Variants in FAM110B observed in about 807,000 individuals in gnomAD.
FAM110B encodes the protein family with sequence similarity 110 member B.
Under a neutral mutation model 20.4 loss-of-function variants are expected in FAM110B, and 6 were observed. The observed-to-expected ratio is 0.29, with a 90% CI of 0.16 to 0.58. The LOEUF (loss-of-function observed/expected upper bound fraction) is 0.58. Ranked by LOEUF, FAM110B falls within the 20% of genes least tolerant of loss-of-function variation. The pLI is 0.90. For missense variants in FAM110B, 434 were observed against 498.2 expected (o/e 0.87, Z 1.23); for synonymous variants, 226 against 214.1 (o/e 1.06, Z -0.49).
intron 1 of FAM110B, among the ~76,000 whole-genome samples, chr8:58,025,471 A>G (rs1032496651): frequency 2.0e-5 from 3 of 152,310 alleles, no homozygotes; most frequent in South Asian, 2.1e-4. Flanking sequence ...GACTCCATCC[A>G]TAGCAACCTT....
Position 58,034,971 on chromosome 8 carries a change from G to C in FAM110B, c.-414+3268G>C, listed in dbSNP as rs1309509210. Among the ~76,000 whole-genome samples the C allele has an allele frequency of 3.9e-5, 6 of 152,238 alleles. No individual in the cohort carries two copies. In the South Asian group the frequency reaches 1.2e-3, roughly 32 times the overall value. ...TGGCCGCAAGTTCAGTCATCTCATC[G>C]TTAGTTTAAGTCATTGTCTAAACTT... On this transcript the variant is annotated intron_variant, in intron 2 of 3. Coordinates refer to ENST00000519262, the MANE Select transcript of FAM110B (RefSeq NM_001377989.1).
chr8:58,062,157 A>G (rs1805669729), intron 2 of FAM110B, among the ~76,000 whole-genome samples: 1 of 152,214 alleles, frequency 6.6e-6, no homozygotes, highest in African/African-American at 2.4e-5. Context: ...ATATAATGAA[A>G]AATTGTTTCT....
intron 3 of FAM110B, among the ~76,000 whole-genome samples, chr8:58,142,383 A>AG (rs1803761732): frequency 6.6e-6 from 1 of 152,186 alleles, no homozygotes; most frequent in African/African-American, 2.4e-5. Context: ...GAGATCCTTG[A>AG]GGGGTCTGCA....
chr8:58,131,439 A>G (rs1803461991), intron 3 of FAM110B, among the ~76,000 whole-genome samples: 1 of 152,010 alleles, frequency 6.6e-6, no homozygotes, highest in Admixed American at 6.6e-5. Flanking sequence ...TACTGTTTTT[A>G]CCATTGAAAA....
At chr8:58,084,385 C>T (rs1427678167) in intron 3 of FAM110B, among the ~76,000 whole-genome samples, 2 of 150,768 alleles carry the variant, frequency 1.3e-5, no homozygotes, top group South Asian at 2.1e-4. Context: ...ACTTGAATCT[C>T]CATTTTCCTT....
At chr8:58,058,677 G>T (rs1420990830) in intron 2 of FAM110B, among the ~76,000 whole-genome samples, 2 of 152,014 alleles carry the variant, frequency 1.3e-5, no homozygotes, top group Non-Finnish European at 2.9e-5. Context: ...AGATATGCAT[G>T]ATATGCTACA....
Position 58,146,679 on chromosome 8 carries a change from A to C in FAM110B, c.449A>C (p.Glu150Ala). The change falls in exon 4 of 4, where the codon GAA becomes GCA. Residue 150 changes from glutamate (E) to alanine (A), a missense_variant. This residue lies in a region of FAM110B where 284 missense variants were observed against 278.3 expected (regional missense o/e 1.02). Coordinates refer to ENST00000519262, the MANE Select transcript of FAM110B (RefSeq NM_001377989.1). ...SSRNWPPHRSEATDLHRHSFA... is the reference protein window; with the variant it reads ...SSRNWPPHRSAATDLHRHSFA... ...CGCAACTGGCCGCCCCACCGGTCGG[A>C]AGCCACTGACCTGCACCGTCACTCC... 4 of 1,612,940 alleles carry C rather than the reference A, an allele frequency of 2.5e-6. No individual in the cohort carries two copies. Among genetic ancestry groups the C allele is most frequent in the Non-Finnish European group, 3.4e-6 (4 of 1,179,596 alleles).
chr8:58,145,705 T>C (rs1803846247), intron 3 of FAM110B, among the ~76,000 whole-genome samples: 1 of 152,228 alleles, frequency 6.6e-6, no homozygotes, highest in African/African-American at 2.4e-5. Context: ...CGGCACAGCG[T>C]TGTGCTGCCG....
intron 3 of FAM110B, among the ~76,000 whole-genome samples, chr8:58,119,897 A>G (rs1239519559): frequency 6.6e-6 from 1 of 152,128 alleles, no homozygotes; most frequent in African/African-American, 2.4e-5. Context: ...TTGCTCTTTT[A>G]CTATTGAGAA....
intron 3 of FAM110B, among the ~76,000 whole-genome samples, chr8:58,077,469 C>T (rs930147264): frequency 1.2e-4 from 19 of 152,338 alleles, no homozygotes; most frequent in African/African-American, 4.6e-4. Flanking sequence ...GTTGAGTTTG[C>T]AGCCCTAGTG....
intron 3 of FAM110B, among the ~76,000 whole-genome samples, chr8:58,093,234 G>A (rs1001224036): frequency 2.0e-5 from 3 of 152,090 alleles, no homozygotes; most frequent in African/African-American, 7.2e-5. Flanking sequence ...CTTTTGCTAT[G>A]CAGAAGCTCT....
At chr8:58,053,335 G>A (rs1805491092) in intron 2 of FAM110B, among the ~76,000 whole-genome samples, 1 of 152,224 alleles carries the variant, frequency 6.6e-6, no homozygotes, top group Non-Finnish European at 1.5e-5. Context: ...AAGATTTAAT[G>A]ACAACTTGGC....
intron 3 of FAM110B, among the ~76,000 whole-genome samples, chr8:58,089,825 C>G (rs1217297461): frequency 2.6e-5 from 4 of 152,192 alleles, no homozygotes; most frequent in African/African-American, 7.2e-5. Context: ...AAAACTATTG[C>G]TTACTTTGAA....
At chr8:58,118,335 G>A (rs1807269477) in intron 3 of FAM110B, among the ~76,000 whole-genome samples, 1 of 152,188 alleles carries the variant, frequency 6.6e-6, no homozygotes, top group Admixed American at 6.5e-5. Flanking sequence ...GAGCCAGAAA[G>A]CTCTGCAGAT....
intron 2 of FAM110B, among the ~76,000 whole-genome samples, chr8:58,061,052 T>C (rs899187650): frequency 8.5e-5 from 13 of 152,146 alleles, no homozygotes; most frequent in African/African-American, 3.1e-4. Context: ...TATAATATTC[T>C]CAGTATAAGA....
At chr8:58,139,569 G>A (rs1213948789) in intron 3 of FAM110B, among the ~76,000 whole-genome samples, 2 of 152,092 alleles carry the variant, frequency 1.3e-5, no homozygotes, top group African/African-American at 2.4e-5. Context: ...TTCTTTACAA[G>A]TTATGCTCAC....
intron 1 of FAM110B, among the ~76,000 whole-genome samples, chr8:58,004,859 G>C (rs978712266): frequency 1.6e-4 from 25 of 152,144 alleles, no homozygotes; most frequent in African/African-American, 5.6e-4. Flanking sequence ...CTCTGGATTG[G>C]GCCTTGACTT....
chr8:58,004,327 T>C (rs1464054183), intron 1 of FAM110B, among the ~76,000 whole-genome samples: 1 of 152,246 alleles, frequency 6.6e-6, no homozygotes, highest in South Asian at 2.1e-4. Flanking sequence ...AAACCTGTTG[T>C]CTAGTTGTAG....
At chr8:58,087,041 C>T (rs1806356757) in intron 3 of FAM110B, among the ~76,000 whole-genome samples, 1 of 152,206 alleles carries the variant, frequency 6.6e-6, no homozygotes, top group Non-Finnish European at 1.5e-5. Flanking sequence ...ATCTGTGCCT[C>T]TAAACAGTCT....
Sources: gnomAD v4.1 joint callset for allele counts (sites outside exome capture counted in the v4.1 genomes callset) on GRCh38, gnomAD v4.1.1 for gene constraint, gnomAD v4.1.1 regional missense constraint, MANE v1.5 for transcripts, NCBI Gene and HGNC (gene_info 2026-07-23, HGNC 2026-07-21) for gene names.